HDAC9: variants seen among roughly 807,000 people sequenced by gnomAD.
HDAC9 encodes the protein histone deacetylase 9.
Under a neutral mutation model 139.4 loss-of-function variants are expected in HDAC9, and 41 were observed. The ratio of observed to expected loss-of-function variants is 0.29; its 90% confidence interval spans 0.23 to 0.38. The LOEUF (loss-of-function observed/expected upper bound fraction) is 0.38. HDAC9 is among the 10% of genes least tolerant of loss of function. HDAC9 has a pLI of 1.00. For synonymous variants in HDAC9, 517 were observed against 476.2 expected (o/e 1.09, Z -1.12); for missense variants, 1,147 against 1,297.0 (o/e 0.88, Z 1.78).
chr7:18,996,083 T>C lies in HDAC9; in HGVS notation c.*21T>C, dbSNP rs2129354776. ...TGTGAAGTGCCAAGTCCCCCTCTGATATTTCCTGTGTGTGACATCATTGTG... is the reference window on the plus strand; with the variant it reads ...TGTGAAGTGCCAAGTCCCCCTCTGACATTTCCTGTGTGTGACATCATTGTG... On this transcript the variant is annotated 3_prime_UTR_variant, in exon 26 of 26. Coordinates refer to ENST00000686413, the MANE Select transcript of HDAC9 (RefSeq NM_178425.4). The C allele has an allele frequency of 6.3e-7, 1 of 1,587,742 alleles. No homozygotes were observed. The highest frequency in any genetic ancestry group is 2.3e-5 in the East Asian group (1 of 44,402).
chr7:18,264,924 C>A (rs1365457757), intron 2 of HDAC9, among the ~76,000 whole-genome samples: 1 of 152,104 alleles, frequency 6.6e-6, no homozygotes, highest in Non-Finnish European at 1.5e-5. Context: ...TAGTCCACAT[C>A]TTTTTATGGA....
chr7:18,090,717 G>T (rs1782088501), intron 1 of HDAC9, among the ~76,000 whole-genome samples: 1 of 151,854 alleles, frequency 6.6e-6, no homozygotes, highest in Non-Finnish European at 1.5e-5. Flanking sequence ...CATATTCTGG[G>T]TGTCGGGATG....
intron 2 of HDAC9, among the ~76,000 whole-genome samples, chr7:18,505,235 G>T (rs1799442282): frequency 6.6e-6 from 1 of 152,172 alleles, no homozygotes; most frequent in Non-Finnish European, 1.5e-5. Context: ...TGAGGGTAAA[G>T]TTAGCCCCGC....
At chr7:18,885,890 A>C (rs1357190209) in intron 22 of HDAC9, among the ~76,000 whole-genome samples, 1 of 152,058 alleles carries the variant, frequency 6.6e-6, no homozygotes, top group Non-Finnish European at 1.5e-5. Flanking sequence ...TTACTCTTTG[A>C]CTCAAAATTC....
At chr7:18,212,967 G>A (rs769796700) in intron 2 of HDAC9, among the ~76,000 whole-genome samples, 1 of 152,194 alleles carries the variant, frequency 6.6e-6, no homozygotes, top group Non-Finnish European at 1.5e-5. Flanking sequence ...TCTAGAAAAC[G>A]CAAGTTATAT....
At chr7:18,252,940 G>A (rs1227843045) in intron 2 of HDAC9, among the ~76,000 whole-genome samples, 1 of 152,048 alleles carries the variant, frequency 6.6e-6, no homozygotes, top group Non-Finnish European at 1.5e-5. Context: ...CCCAGTGTGT[G>A]TTGTTCCCCT....
At chr7:18,132,684 T>C (rs940275762) in intron 1 of HDAC9, among the ~76,000 whole-genome samples, 1 of 152,172 alleles carries the variant, frequency 6.6e-6, no homozygotes, top group African/African-American at 2.4e-5. Context: ...TTCAACTAAG[T>C]TTATTCAGAA....
At chr7:18,759,961 G>A (rs1327692520) in intron 14 of HDAC9, among the ~76,000 whole-genome samples, 1 of 152,064 alleles carries the variant, frequency 6.6e-6, no homozygotes. Context: ...TAGATGAAAC[G>A]AATCTTTATA....
chr7:18,579,213 A>T (rs1434638702), intron 2 of HDAC9, among the ~76,000 whole-genome samples: 3 of 152,206 alleles, frequency 2.0e-5, no homozygotes, highest in African/African-American at 7.2e-5. Context: ...GAAAATGTTA[A>T]TGAGAGAATG....
At chr7:18,713,038 C>T (rs1784454975) in intron 12 of HDAC9, among the ~76,000 whole-genome samples, 2 of 152,062 alleles carry the variant, frequency 1.3e-5, no homozygotes, top group Admixed American at 1.3e-4. Context: ...GTTCTTTGTT[C>T]CGTTTGATGA....
chr7:18,598,818 C>G (rs187226285), intron 6 of HDAC9, among the ~76,000 whole-genome samples: 6 of 152,316 alleles, frequency 3.9e-5, no homozygotes, highest in Admixed American at 2.6e-4. Context: ...ACTCACAAGG[C>G]TACTGTCAAA....
chr7:18,262,392 C>A (rs1441298501), intron 2 of HDAC9, among the ~76,000 whole-genome samples: 1 of 152,106 alleles, frequency 6.6e-6, no homozygotes, highest in Non-Finnish European at 1.5e-5. Flanking sequence ...TAGAAAAACT[C>A]CTCCAATTTT....
intron 25 of HDAC9, among the ~76,000 whole-genome samples, chr7:18,983,535 T>C (rs1477417455): frequency 6.6e-6 from 1 of 152,244 alleles, no homozygotes; most frequent in Non-Finnish European, 1.5e-5. Context: ...TAAATCTCTA[T>C]GAAATTTTCA....
rs1785821390 is a variant in HDAC9 at position 18,642,121 on chromosome 7, A to T, written c.913-2550A>T. On this transcript the variant is annotated intron_variant, in intron 8 of 25. Transcript: ENST00000686413. ...TCTGTAAAGTTTCTATGAAGACGAC[A>T]TACCAGTTAAGAGTCTTTGGGAAGA... 2.0e-5 allele frequency among the ~76,000 whole-genome samples: 3 copies of T among 152,144 alleles called. No homozygotes were observed. The South Asian group carries it at 6.2e-4, about 31-fold the overall frequency.
intron 1 of HDAC9, among the ~76,000 whole-genome samples, chr7:18,149,578 T>G (rs546029747): frequency 4.6e-5 from 7 of 151,738 alleles, no homozygotes; most frequent in Admixed American, 1.3e-4. Flanking sequence ...TGAGACAGAG[T>G]CTCAGTCTGT....
At chr7:18,633,214 A>G (rs1381293145) in intron 7 of HDAC9, among the ~76,000 whole-genome samples, 2 of 152,146 alleles carry the variant, frequency 1.3e-5, no homozygotes, top group Admixed American at 6.6e-5. Flanking sequence ...AGATGGGAAG[A>G]CAAACATGGA....
chr7:18,374,546 C>A (rs1784844312), intron 1 of HDAC9, among the ~76,000 whole-genome samples: 1 of 151,918 alleles, frequency 6.6e-6, no homozygotes, highest in Admixed American at 6.6e-5. Flanking sequence ...ATTTCTGTAT[C>A]TAGGCATAGA....
At chr7:18,305,210 G>A (rs1798828677) in intron 1 of HDAC9, among the ~76,000 whole-genome samples, 1 of 152,046 alleles carries the variant, frequency 6.6e-6, no homozygotes, top group South Asian at 2.1e-4. Context: ...CTGGCACACT[G>A]TGTATCTTTT....
At chr7:18,174,272 T>A (rs1160312223) in intron 2 of HDAC9, among the ~76,000 whole-genome samples, 4 of 152,222 alleles carry the variant, frequency 2.6e-5, no homozygotes, top group African/African-American at 9.6e-5. Context: ...CGTCATGTAG[T>A]TCTCATTCCA....
Sources: gnomAD v4.1 joint callset for allele counts (sites outside exome capture counted in the v4.1 genomes callset) on GRCh38, gnomAD v4.1.1 for gene constraint, MANE v1.5 for transcripts, NCBI Gene and HGNC (gene_info 2026-07-23, HGNC 2026-07-21) for gene names.